The following MRLN variants were observed in gnomAD, a reference collection of about 807,000 sequenced individuals.
MRLN encodes the protein myoregulin, also known as Linc-RNA activator of myogenesis.
At chr10:59,745,487 C>A (rs1006977361) in intron 1 of MRLN, among the ~76,000 whole-genome samples, 1 of 122,396 alleles carries the variant, frequency 8.2e-6, no homozygotes, top group African/African-American at 3.0e-5. Context: ...AAATAATTCC[C>A]CCCCCCACCC....
intron 2 of MRLN, chr10:59,738,235 G>A (rs1175886303): frequency 6.6e-6 from 1 of 152,152 alleles, no homozygotes; most frequent in African/African-American, 2.4e-5. Context: ...AATTCCTTTT[G>A]CCTGTGTTTC....
At chr10:59,737,941 A>T (rs1043992290) in intron 2 of MRLN, 5 of 152,198 alleles carry the variant, frequency 3.3e-5, no homozygotes, top group African/African-American at 1.2e-4. Flanking sequence ...TACTCAACTT[A>T]AAATGAACGT....
chr10:59,748,054 CAT>C (rs1841060167), intron 1 of MRLN, among the ~76,000 whole-genome samples: 2 of 149,556 alleles, frequency 1.3e-5, no homozygotes, highest in Non-Finnish European at 1.5e-5. Context: ...CTTGAGAAAT[CAT>C]ATGAGAACTA....
At chr10:59,737,267 CT>C in intron 2 of MRLN, 47 bp from the exon 3 acceptor site, 1 of 387,406 alleles carries the variant, frequency 2.6e-6, no homozygotes, top group Non-Finnish European at 4.6e-6. Context: ...ATTTATAATA[CT>C]GATTCTTTCA....
At chr10:59,751,749 C>T (rs1841105795) in intron 1 of MRLN, among the ~76,000 whole-genome samples, 1 of 151,682 alleles carries the variant, frequency 6.6e-6, no homozygotes, top group Non-Finnish European at 1.5e-5. Context: ...TTTATAGACC[C>T]CGTTTTAGGT....
intron 1 of MRLN, among the ~76,000 whole-genome samples, chr10:59,740,683 T>C (rs1004153665): frequency 1.3e-5 from 2 of 152,168 alleles, no homozygotes; most frequent in Non-Finnish European, 2.9e-5. Flanking sequence ...AGTATTATTA[T>C]TATTATGAAA....
rs1265359808 is a variant in MRLN, at chr10:59,736,920, G to A, written c.*140C>T. The A allele has an allele frequency of 2.5e-5, 9 of 358,312 alleles. No individual in the cohort carries two copies. The highest frequency in any genetic ancestry group is 4.5e-5 in the Non-Finnish European group (9 of 199,564). The allele number at this position is 358,312 out of a possible 1,614,324, so 22.2% of individuals were successfully genotyped here. On this transcript the variant is annotated 3_prime_UTR_variant, in exon 3 of 3. Transcript: ENST00000414264. ...CATAAAGAACTAAACAATACACAAT[G>A]TTGTTTGTATTGCAGTGTCCTGTTG...
intron 1 of MRLN, among the ~76,000 whole-genome samples, chr10:59,742,912 TAG>T (rs1840999929): frequency 6.6e-6 from 1 of 152,062 alleles, no homozygotes; most frequent in Non-Finnish European, 1.5e-5. Context: ...TTTATTTTTG[TAG>T]AGACAGGGTC....
chr10:59,751,041 A>G (rs1021538385), intron 1 of MRLN, among the ~76,000 whole-genome samples: 1 of 152,188 alleles, frequency 6.6e-6, no homozygotes, highest in African/African-American at 2.4e-5. Flanking sequence ...AACCTTTTAA[A>G]CTGCCTACTT....
chr10:59,748,146 G>A (rs1181289787), intron 1 of MRLN, among the ~76,000 whole-genome samples: 1 of 150,560 alleles, frequency 6.6e-6, no homozygotes, highest in Non-Finnish European at 1.5e-5. Context: ...TGGAAGGCAA[G>A]AAAAACTTGG....
At chr10:59,745,487 C>G (rs1006977361) in intron 1 of MRLN, among the ~76,000 whole-genome samples, 5 of 122,396 alleles carry the variant, frequency 4.1e-5, no homozygotes, top group Non-Finnish European at 6.8e-5. Flanking sequence ...AAATAATTCC[C>G]CCCCCCACCC....
chr10:59,750,119 C>G (rs1217273266), intron 1 of MRLN, among the ~76,000 whole-genome samples: 1 of 118,774 alleles, frequency 8.4e-6, no homozygotes, highest in East Asian at 2.8e-4. Context: ...GTTGCCTAGG[C>G]TGGAGTGCAA....
chr10:59,745,210 A>T (rs1344748040), intron 1 of MRLN, among the ~76,000 whole-genome samples: 1 of 152,208 alleles, frequency 6.6e-6, no homozygotes, highest in Non-Finnish European at 1.5e-5. Flanking sequence ...ATAGCTATTT[A>T]ACAGCAGTAA....
At chr10:59,739,666 A>C (rs1840960817) in intron 1 of MRLN, 1 of 152,248 alleles carries the variant, frequency 6.6e-6, no homozygotes, top group African/African-American at 2.4e-5. Flanking sequence ...TTTTACAAAC[A>C]AATTAGAAAA....
At chr10:59,751,945 A>C (rs16914062) in intron 1 of MRLN, among the ~76,000 whole-genome samples, 10,235 of 152,286 alleles carry the variant, frequency 0.067, 522 homozygotes, top group East Asian at 0.2. Context: ...CAAGGGTGGA[A>C]ACCAGTCTTT....
intron 1 of MRLN, among the ~76,000 whole-genome samples, chr10:59,744,553 G>A (rs936740117): frequency 1.1e-4 from 16 of 150,252 alleles, no homozygotes; most frequent in South Asian, 2.1e-4. Context: ...CTGCCCAGCC[G>A]CCCCTACTGG....
At chr10:59,749,625 C>G (rs973408370) in intron 1 of MRLN, among the ~76,000 whole-genome samples, 2 of 151,534 alleles carry the variant, frequency 1.3e-5, no homozygotes, top group Non-Finnish European at 2.9e-5. Context: ...ACCTGGCAGG[C>G]AGAGGTTGCA....
chr10:59,741,096 C>A (rs1324043518), intron 1 of MRLN, among the ~76,000 whole-genome samples: 5 of 152,078 alleles, frequency 3.3e-5, no homozygotes, highest in Admixed American at 1.3e-4. Context: ...CCAGTCCCAG[C>A]CTATTTCTTT....
At chr10:59,749,226 G>A (rs1841074304) in intron 1 of MRLN, among the ~76,000 whole-genome samples, 2 of 152,128 alleles carry the variant, frequency 1.3e-5, no homozygotes, top group African/African-American at 4.8e-5. Flanking sequence ...AACTTTATGA[G>A]GTGGAATATT....
Sources: allele counts gnomAD v4.1 joint callset (sites outside exome capture counted in the v4.1 genomes callset), GRCh38; gene constraint gnomAD v4.1.1; transcripts MANE v1.5; gene names NCBI Gene and HGNC (gene_info 2026-07-23, HGNC 2026-07-21).